The following RAPGEF4 variants were observed in gnomAD, a reference collection of about 807,000 sequenced individuals.
The protein encoded by RAPGEF4 is Rap guanine nucleotide exchange factor 4.
RAPGEF4 carries 66 observed loss-of-function variants against 147.9 expected under a neutral mutation model. That is an observed-to-expected ratio of 0.45 (90% CI 0.37 to 0.55). The LOEUF is 0.55. RAPGEF4 is among the 20% of genes least tolerant of loss of function. RAPGEF4 has a pLI of 0.00. For missense variants in RAPGEF4, 1,071 were observed against 1,257.3 expected (o/e 0.85, Z 2.24); for synonymous variants, 419 against 442.7 (o/e 0.95, Z 0.67).
rs560665574 is a variant in RAPGEF4, at chr2:172,945,741, G to T, written c.538-15019G>T. ...ATTTAAATATTAAGAGAATCTATTT[G>T]TGTTTTTCTGTTGGACATTTTTGTC... On this transcript the variant is annotated intron_variant, in intron 6 of 30. Transcript: ENST00000397081. 2.7e-3 allele frequency among the ~76,000 whole-genome samples: 415 copies of T among 152,204 alleles called. 3 individuals carry two copies. The highest frequency in any genetic ancestry group is 9.7e-3 in the African/African-American group (403 of 41,540).
intron 4 of RAPGEF4, among the ~76,000 whole-genome samples, chr2:172,837,362 T>C (rs780891908): frequency 4.6e-5 from 7 of 151,988 alleles, no homozygotes; most frequent in Non-Finnish European, 8.8e-5. Context: ...TTGCCCAGGG[T>C]TGTATGGCTA....
chr2:173,000,628 A>G (rs1256559363), intron 16 of RAPGEF4, among the ~76,000 whole-genome samples: 1 of 152,090 alleles, frequency 6.6e-6, no homozygotes, highest in African/African-American at 2.4e-5. Flanking sequence ...TACCTACAAA[A>G]TAGTTTCACA....
chr2:172,996,361 C>T, intron 15 of RAPGEF4, 105 bp from the exon 16 acceptor site: 2 of 588,440 alleles, frequency 3.4e-6, no homozygotes, highest in East Asian at 3.2e-5. Context: ...GTATATGGTT[C>T]CCTGGGATCT....
At chr2:173,051,542 G>T (rs1686241802) in intron 30 of RAPGEF4, 98 bp from the exon 31 acceptor site, 7 of 1,344,366 alleles carry the variant, frequency 5.2e-6, no homozygotes, top group Non-Finnish European at 5.0e-6. Flanking sequence ...GGGAACCCAG[G>T]AACCTATGAT....
intron 3 of RAPGEF4, among the ~76,000 whole-genome samples, chr2:172,800,125 A>T (rs3769318): frequency 0.34 from 52,419 of 152,134 alleles, 9,664 homozygotes; most frequent in Middle Eastern, 0.47. Flanking sequence ...GTTAGGAATG[A>T]GTTAATTTAA....
intron 26 of RAPGEF4, among the ~76,000 whole-genome samples, chr2:173,033,589 G>T (rs758825787): frequency 4.6e-5 from 7 of 152,108 alleles, no homozygotes; most frequent in Non-Finnish European, 7.4e-5. Flanking sequence ...TAAAAAGTGT[G>T]GGGGGAGGTA....
At chr2:172,750,407 C>T (rs1053133433) in intron 1 of RAPGEF4, among the ~76,000 whole-genome samples, 11 of 151,856 alleles carry the variant, frequency 7.2e-5, no homozygotes, top group African/African-American at 2.4e-4. Context: ...CAAGCAGAAG[C>T]GTTTTTTTCC....
chr2:172,826,180 C>T (rs1330351196), intron 4 of RAPGEF4, among the ~76,000 whole-genome samples: 1 of 152,224 alleles, frequency 6.6e-6, no homozygotes, highest in Non-Finnish European at 1.5e-5. Flanking sequence ...CTCCCACAAA[C>T]ATGCTTTAAG....
At chr2:172,775,171 A>G (rs535534910) in intron 1 of RAPGEF4, among the ~76,000 whole-genome samples, 7 of 152,324 alleles carry the variant, frequency 4.6e-5, no homozygotes, top group African/African-American at 1.4e-4. Context: ...AATGGACCAT[A>G]CATGACTATA....
At chr2:172,901,771 A>G (rs1485980496) in intron 4 of RAPGEF4, among the ~76,000 whole-genome samples, 1 of 152,196 alleles carries the variant, frequency 6.6e-6, no homozygotes, top group Non-Finnish European at 1.5e-5. Flanking sequence ...CTCAACAACT[A>G]TTCCCTGAGA....
In RAPGEF4 at chr2:173,030,282, A is replaced by G. The variant is rs748898806; in HGVS notation, c.2649+28A>G. The G allele has an allele frequency of 1.0e-5, 16 of 1,554,438 alleles. No homozygotes were observed. In the African/African-American group the frequency reaches 1.9e-4, roughly 18 times the overall value. ...AAGCTTCAGCTAGGATCCAGCTGTG[A>G]CTTTTGCCTTAGGAATAAAAACACA... On this transcript the variant is annotated intron_variant, in intron 26 of 30. Coordinates refer to ENST00000397081, the MANE Select transcript of RAPGEF4 (RefSeq NM_007023.4).
At chr2:172,916,420 A>G (rs1327552506) in intron 4 of RAPGEF4, among the ~76,000 whole-genome samples, 1 of 152,220 alleles carries the variant, frequency 6.6e-6, no homozygotes, top group Non-Finnish European at 1.5e-5. Flanking sequence ...TTTTGTTTAC[A>G]GTCCAGCATA....
At chr2:172,900,339 A>G (rs1035890358) in intron 4 of RAPGEF4, among the ~76,000 whole-genome samples, 2 of 152,190 alleles carry the variant, frequency 1.3e-5, no homozygotes, top group Non-Finnish European at 2.9e-5. Context: ...TCCTGGGTTC[A>G]AGGGATGCTC....
intron 3 of RAPGEF4, among the ~76,000 whole-genome samples, chr2:172,805,938 C>T (rs1439357775): frequency 6.6e-6 from 1 of 151,718 alleles, no homozygotes; most frequent in Non-Finnish European, 1.5e-5. Flanking sequence ...AACATTGGGA[C>T]AAGTTATAAG....
At chr2:172,899,700 G>A (rs868466191) in intron 4 of RAPGEF4, among the ~76,000 whole-genome samples, 14 of 152,112 alleles carry the variant, frequency 9.2e-5, no homozygotes, top group African/African-American at 3.1e-4. Flanking sequence ...AAGAGATTTA[G>A]CAACAGTGAA....
chr2:172,793,032 G>A (rs1018260562), intron 1 of RAPGEF4, among the ~76,000 whole-genome samples: 1 of 152,180 alleles, frequency 6.6e-6, no homozygotes, highest in Non-Finnish European at 1.5e-5. Context: ...TCAAGGTGTG[G>A]GAGGCACATG....
At chr2:172,975,359 G>A (rs72896056) in intron 10 of RAPGEF4, among the ~76,000 whole-genome samples, 11 of 152,150 alleles carry the variant, frequency 7.2e-5, no homozygotes, top group East Asian at 1.9e-4. Flanking sequence ...TCTCACATCC[G>A]TCCCCTCTTT....
chr2:172,894,591 A>G (rs1698282746), intron 4 of RAPGEF4, among the ~76,000 whole-genome samples: 1 of 152,184 alleles, frequency 6.6e-6, no homozygotes. Flanking sequence ...AGCATAAGTG[A>G]CTCTGACCAG....
intron 4 of RAPGEF4, among the ~76,000 whole-genome samples, chr2:172,817,609 T>A (rs1301056321): frequency 6.6e-6 from 1 of 151,936 alleles, no homozygotes; most frequent in Non-Finnish European, 1.5e-5. Context: ...CACTGAACAG[T>A]AAGAGTGCAG....
Sources: allele counts gnomAD v4.1 joint callset (sites outside exome capture counted in the v4.1 genomes callset), GRCh38; gene constraint gnomAD v4.1.1; transcripts MANE v1.5; gene names NCBI Gene and HGNC (gene_info 2026-07-23, HGNC 2026-07-21).